Variants in ADAMTS12 observed in about 807,000 individuals in gnomAD.
The protein encoded by ADAMTS12 is ADAM metallopeptidase with thrombospondin type 1 motif 12, also known as A disintegrin and metalloproteinase with thrombospondin motifs 12.
In ADAMTS12, 118 loss-of-function variants were observed where a neutral mutation model predicts 167.8. The observed-to-expected ratio is 0.70, with a 90% CI of 0.61 to 0.82. ADAMTS12 has a LOEUF of 0.82. Among genes scored for constraint, ADAMTS12 ranks in the 40% least tolerant of loss-of-function variants. The pLI, the probability that ADAMTS12 is intolerant of heterozygous loss-of-function variation, is 0.00. For missense variants in ADAMTS12, 1,916 were observed against 1,998.8 expected (o/e 0.96, Z 0.79); for synonymous variants, 704 against 716.9 (o/e 0.98, Z 0.29).
chr5:33,753,266 T>C (rs909784034), intron 2 of ADAMTS12, among the ~76,000 whole-genome samples: 9 of 152,256 alleles, frequency 5.9e-5, no homozygotes, highest in Non-Finnish European at 1.0e-4. Context: ...TTTGCTTCTA[T>C]GCTTACATTG....
intron 3 of ADAMTS12, among the ~76,000 whole-genome samples, chr5:33,686,413 G>A (rs374323399): frequency 5.9e-5 from 9 of 152,240 alleles, no homozygotes; most frequent in African/African-American, 1.7e-4. Flanking sequence ...GGTGAGAAGC[G>A]TGTAGAAAAA....
chr5:33,596,111 C>G, intron 16 of ADAMTS12, 51 bp from the exon 17 acceptor site: 1 of 1,605,294 alleles, frequency 6.2e-7, no homozygotes, highest in East Asian at 2.2e-5. Flanking sequence ...AGCCCACATG[C>G]TCATGGTCAG....
chr5:33,864,681 C>T (rs185764929), intron 2 of ADAMTS12, among the ~76,000 whole-genome samples: 3 of 152,122 alleles, frequency 2.0e-5, no homozygotes, highest in Non-Finnish European at 2.9e-5. Flanking sequence ...TAGTTCATGT[C>T]CTTTGCAGGG....
chr5:33,705,266 GGTGTGTGTGT>G (rs70964413), intron 3 of ADAMTS12, among the ~76,000 whole-genome samples: 11 of 143,914 alleles, frequency 7.6e-5, no homozygotes, highest in African/African-American at 1.8e-4. Flanking sequence ...AGTATTCCAT[GGTGTGTGTGT>G]GTGTGTGTGT....
At chr5:33,759,431 A>G (rs557456994) in intron 2 of ADAMTS12, among the ~76,000 whole-genome samples, 1 of 152,318 alleles carries the variant, frequency 6.6e-6, no homozygotes, top group South Asian at 2.1e-4. Context: ...TGCACAAGTA[A>G]TTTTGTTTCT....
chr5:33,570,394 T>A (rs1360597880), intron 19 of ADAMTS12, among the ~76,000 whole-genome samples: 1 of 152,124 alleles, frequency 6.6e-6, no homozygotes, highest in Admixed American at 6.5e-5. Context: ...TAACAGTGGA[T>A]CTCTCGGCAG....
intron 14 of ADAMTS12, among the ~76,000 whole-genome samples, chr5:33,620,491 A>G (rs946957164): frequency 3.3e-5 from 5 of 152,356 alleles, no homozygotes; most frequent in African/African-American, 1.2e-4. Context: ...ACTTGAGCTC[A>G]CCACAATAGC....
At chr5:33,815,924 G>A (rs547076326) in intron 2 of ADAMTS12, among the ~76,000 whole-genome samples, 1 of 152,300 alleles carries the variant, frequency 6.6e-6, no homozygotes, top group East Asian at 1.9e-4. Context: ...ATGTCCAGAT[G>A]GATGTCCTGT....
intron 13 of ADAMTS12, among the ~76,000 whole-genome samples, chr5:33,628,987 G>C (rs2112139579): frequency 6.6e-6 from 1 of 152,186 alleles, no homozygotes; most frequent in Non-Finnish European, 1.5e-5. Flanking sequence ...CTCAATCCTG[G>C]CTACTTATTA....
intron 5 of ADAMTS12, among the ~76,000 whole-genome samples, chr5:33,671,854 ACC>A (rs1741705605): frequency 6.6e-6 from 1 of 150,624 alleles, no homozygotes. Context: ...ATACACACAC[ACC>A]CCCACATACA....
chr5:33,707,719 A>C (rs1235829350), intron 3 of ADAMTS12, among the ~76,000 whole-genome samples: 1 of 152,164 alleles, frequency 6.6e-6, no homozygotes, highest in Non-Finnish European at 1.5e-5. Context: ...TCCCTATTTA[A>C]TAAATGGTGT....
At chr5:33,782,984 G>A (rs893656794) in intron 2 of ADAMTS12, among the ~76,000 whole-genome samples, 6 of 151,912 alleles carry the variant, frequency 3.9e-5, no homozygotes, top group Non-Finnish European at 5.9e-5. Flanking sequence ...TATCTTAAGC[G>A]CATGCCAACT....
At chr5:33,860,300 A>G (rs1242544720) in intron 2 of ADAMTS12, among the ~76,000 whole-genome samples, 4 of 152,244 alleles carry the variant, frequency 2.6e-5, no homozygotes, top group Non-Finnish European at 5.9e-5. Flanking sequence ...TAGAATAACC[A>G]GTTTAAAGAA....
Position 33,624,211 on chromosome 5 carries a change from ATTAT to A in ADAMTS12, c.2143+16_2143+19del. On this transcript the variant is annotated intron_variant, in intron 14 of 23. Transcript: ENST00000504830. ...CCACCTTTGGTCCCCTGCCACTTCG[ATTAT>A]TTATTTGTTTATTACCAGATCCTTC... 6.2e-7 allele frequency: 1 copy of A among 1,613,512 alleles called. No homozygotes were observed. The highest frequency in any genetic ancestry group is 1.3e-5 in the African/African-American group (1 of 75,006).
chr5:33,578,490 T>G (rs902377707), intron 18 of ADAMTS12, among the ~76,000 whole-genome samples: 1 of 152,176 alleles, frequency 6.6e-6, no homozygotes, highest in Non-Finnish European at 1.5e-5. Context: ...TTAAAAGCTA[T>G]CCAAAGGCAG....
intron 16 of ADAMTS12, among the ~76,000 whole-genome samples, chr5:33,612,108 A>G (rs559352373): frequency 6.6e-6 from 1 of 152,326 alleles, no homozygotes; most frequent in Admixed American, 6.5e-5. Context: ...TTCATTCTCT[A>G]TGTTTGAGAG....
At chr5:33,606,803 G>A (rs1034946742) in intron 16 of ADAMTS12, among the ~76,000 whole-genome samples, 1 of 152,164 alleles carries the variant, frequency 6.6e-6, no homozygotes, top group Non-Finnish European at 1.5e-5. Flanking sequence ...GGAGAGTGCT[G>A]GAAGGGAATA....
At chr5:33,758,285 G>C (rs1745234484) in intron 2 of ADAMTS12, among the ~76,000 whole-genome samples, 1 of 152,150 alleles carries the variant, frequency 6.6e-6, no homozygotes, top group Non-Finnish European at 1.5e-5. Context: ...TGTCATACTG[G>C]TGAAACTCAA....
chr5:33,752,075 A>C (rs961371437), intron 2 of ADAMTS12, among the ~76,000 whole-genome samples: 1 of 152,236 alleles, frequency 6.6e-6, no homozygotes, highest in African/African-American at 2.4e-5. Context: ...CCTTGATCTG[A>C]GACTGAGTTT....
Sources: allele counts gnomAD v4.1 joint callset (sites outside exome capture counted in the v4.1 genomes callset), GRCh38; gene constraint gnomAD v4.1.1; transcripts MANE v1.5; gene names NCBI Gene and HGNC (gene_info 2026-07-23, HGNC 2026-07-21).